C10orf105: variants seen among roughly 807,000 people sequenced by gnomAD.
The protein encoded by C10orf105 is uncharacterized protein C10orf105.
C10orf105 carries 2 observed loss-of-function variants against 0.6 expected under a neutral mutation model. The observed-to-expected ratio is 3.18, with a 90% confidence interval of 1.30 to 10.01. The LOEUF is 10.01. C10orf105 is among the 30% of genes most tolerant of loss of function. The probability of loss-of-function intolerance (pLI) is 0.04; values close to 1 mark genes in which losing one functional copy is unlikely to be tolerated. For missense variants in C10orf105, 209 were observed against 191.4 expected, an observed-to-expected ratio of 1.09 and a Z score of -0.54; for synonymous variants, 95 against 82.4, an observed-to-expected ratio of 1.15 and a Z score of -0.83.
upstream of C10orf105, among the ~76,000 whole-genome samples, chr10:71,720,420 A>AACACACAC (rs57346519): frequency 0.022 from 3,202 of 145,806 alleles, 182 homozygotes; most frequent in East Asian, 0.16. Flanking sequence ...CTCTTTCCAA[A>AACACACAC]ACACACACAC....
rs1866213507 is a variant in C10orf105 at position 71,716,090 on chromosome 10, C to T, written c.248G>A (p.Ser83Asn). The T allele has an allele frequency of 6.5e-7, 1 of 1,531,618 alleles. No homozygotes were observed. The highest frequency in any genetic ancestry group is 1.2e-5 in the South Asian group (1 of 82,082). The allele number at this position is 1,531,618 out of a possible 1,614,324, so 94.9% of individuals were successfully genotyped here. A position where few individuals can be genotyped will look rare whatever the true frequency, so the allele number is the denominator to read the frequency against. ...CTTCCAGAGCCGGAGCTGGGGCTCA[C>T]TGGGGCTCCCAGGGTGGTGGGGCAT... ...ECMPHHPGSPSEPQLRLWKRL... is the reference protein window; with the variant it reads ...ECMPHHPGSPNEPQLRLWKRL... Residue 83 changes from serine (S) to asparagine (N), a missense_variant, in exon 2 of 2, where the codon AGT becomes AAT. Ser to Asn is a conservative substitution (Grantham distance 46). Coordinates refer to ENST00000441508, the MANE Select transcript of C10orf105 (RefSeq NM_001164375.3).
intron 1 of C10orf105, chr10:71,734,736 C>G: frequency 1.1e-6 from 1 of 923,518 alleles, no homozygotes; most frequent in South Asian, 1.3e-5. Flanking sequence ...TGGCCCTGGA[C>G]CTTCCCACCT....
At chr10:71,733,153 C>T (rs1321699191) in intron 1 of C10orf105, among the ~76,000 whole-genome samples, 2 of 152,196 alleles carry the variant, frequency 1.3e-5, no homozygotes, top group Non-Finnish European at 2.9e-5. Context: ...CAGGGAAACA[C>T]TTTACTTACT....
rs370181056 is a variant in C10orf105, at chr10:71,713,201, G to T, written c.*2735C>A. On this transcript the variant is annotated 3_prime_UTR_variant, in exon 2 of 2. Transcript: ENST00000441508. ...CCCAGAACAGAGCTGCTTTCACAGA[G>T]CCCTTGGCCGAGGCTCCCCTCTTGG... is the stretch of plus-strand genomic sequence containing the variant. The T allele has an allele frequency of 9.0e-6, 7 of 779,148 alleles. No individual in the cohort carries two copies. Among genetic ancestry groups the T allele is most frequent in the Non-Finnish European group, 1.7e-5 (7 of 417,796 alleles). The allele number at this position is 779,148 out of a possible 1,614,324, so 48.3% of individuals were successfully genotyped here.
upstream of C10orf105, chr10:71,724,080 G>T (rs1232776970): frequency 6.4e-7 from 1 of 1,560,100 alleles, no homozygotes; most frequent in Non-Finnish European, 8.7e-7. Flanking sequence ...GCGAGTTTGG[G>T]CGTGTGTGGT....
chr10:71,732,317 G>T, intron 1 of C10orf105: 1 of 1,603,700 alleles, frequency 6.2e-7, no homozygotes, highest in Non-Finnish European at 8.5e-7. Context: ...ATCACGTACC[G>T]CTTCAACGCC....
rs727503841 is a variant in C10orf105 at position 71,734,659 on chromosome 10, G to A, written c.-6+3069C>T. On this transcript the variant is annotated intron_variant, in intron 1 of 1. Transcript: ENST00000398786. The stretch of plus-strand genomic sequence containing the variant: ...CTGCTGCTGCCTCTGCCTACAGAAG[G>A]TGAGTAGCCTGTGGCTGGAGCTTCC... 5 of 1,456,428 alleles carry A rather than the reference G, an allele frequency of 3.4e-6. No homozygotes were observed. The highest frequency in any genetic ancestry group is 3.2e-5 in the East Asian group (1 of 31,038). 90.2% of individuals were successfully genotyped at this position (1,456,428 alleles called of 1,614,324 possible).
Position 71,734,655 on chromosome 10 carries a change from G to C in C10orf105, c.-6+3073C>G, listed in dbSNP as rs1589384720. On this transcript the variant is annotated intron_variant, in intron 1 of 1. Transcript: ENST00000398786. ...CCTCCTGCTGCTGCCTCTGCCTACAGAAGGTGAGTAGCCTGTGGCTGGAGC... is the reference window on the plus strand; with the variant it reads ...CCTCCTGCTGCTGCCTCTGCCTACACAAGGTGAGTAGCCTGTGGCTGGAGC... The C allele has an allele frequency of 6.8e-7, 1 of 1,465,370 alleles. No homozygotes were observed. The highest frequency in any genetic ancestry group is 9.2e-7 in the Non-Finnish European group (1 of 1,083,206). 90.8% of individuals were successfully genotyped at this position (1,465,370 alleles called of 1,614,324 possible).
At chr10:71,737,151 TG>T (rs1211530633) in intron 1 of C10orf105, among the ~76,000 whole-genome samples, 2 of 152,118 alleles carry the variant, frequency 1.3e-5, no homozygotes, top group Non-Finnish European at 2.9e-5. Flanking sequence ...ATGGGCGGAC[TG>T]GGGCTCAGGG....
intron 1 of C10orf105, among the ~76,000 whole-genome samples, chr10:71,737,167 CA>C (rs1839590027): frequency 6.6e-6 from 1 of 152,166 alleles, no homozygotes; most frequent in South Asian, 2.1e-4. Context: ...TCAGGGACCT[CA>C]GGGAACTCCA....
chr10:71,724,395 C>T (rs1395502737), upstream of C10orf105, among the ~76,000 whole-genome samples: 1 of 152,164 alleles, frequency 6.6e-6, no homozygotes, highest in Non-Finnish European at 1.5e-5. Flanking sequence ...TGGGTTCAAG[C>T]GATTCTCCTG....
Position 71,712,802 on chromosome 10 carries a change from A to G in C10orf105, c.*3134T>C. 1 of 1,612,194 alleles carries G rather than the reference A, an allele frequency of 6.2e-7. No homozygotes were observed. The highest frequency in any genetic ancestry group is 8.5e-7 in the Non-Finnish European group (1 of 1,179,382). The stretch of plus-strand genomic sequence containing the variant: ...CCCTGAGGACATCCCTGAAGGCCAC[A>G]GCATCTTGCAGGCAGGTGGCCCGTG... On this transcript the variant is annotated 3_prime_UTR_variant, in exon 2 of 2. Transcript: ENST00000441508.
At position 71,716,177 on chromosome 10, in the gene C10orf105, A is replaced by G. The variant is rs1866221742; in HGVS notation, c.161T>C (p.Leu54Pro). The change falls in exon 2 of 2, where the codon CTG (leucine) becomes CCG (proline). Residue 54 changes from leucine to proline, a missense_variant. Coordinates refer to ENST00000441508, the MANE Select transcript of C10orf105 (RefSeq NM_001164375.3). ...GGCCGGCTTGCAGAGCGTCATGAACAGCAGACAGGTGGCCAGCAGGAGGAA... is the reference window on the plus strand; with the variant it reads ...GGCCGGCTTGCAGAGCGTCATGAACGGCAGACAGGTGGCCAGCAGGAGGAA... Reference protein sequence around the residue: ...CIFLLLATCLLFMTLCKPAAL... With the variant: ...CIFLLLATCLPFMTLCKPAAL... 1.9e-6 allele frequency: 3 copies of G among 1,551,094 alleles called. No individual in the cohort carries two copies. The highest frequency in any genetic ancestry group is 2.4e-5 in the East Asian group (1 of 40,916).
chr10:71,715,775 A>G lies in C10orf105; in HGVS notation c.*161T>C. The G allele has an allele frequency of 1.7e-6, 1 of 585,058 alleles. No homozygotes were observed. Among genetic ancestry groups the G allele is most frequent in the Non-Finnish European group, 2.8e-6 (1 of 360,098 alleles). 36.2% of individuals were successfully genotyped at this position (585,058 alleles called of 1,614,324 possible). Reference sequence around the variant, plus strand: ...TGCTCTTCTGAGGATCATCTTTGGGAAAGGGCGCTGGCCTGGGCATGCAAG... The same window carrying G: ...TGCTCTTCTGAGGATCATCTTTGGGGAAGGGCGCTGGCCTGGGCATGCAAG... On this transcript the variant is annotated 3_prime_UTR_variant, in exon 2 of 2. Coordinates refer to ENST00000441508, the MANE Select transcript of C10orf105 (RefSeq NM_001164375.3).
Position 71,715,813 on chromosome 10 carries a change from G to T in C10orf105, c.*123C>A, listed in dbSNP as rs766579126. 1.1e-6 allele frequency: 1 copy of T among 950,080 alleles called. No homozygotes were observed. The allele number at this position is 950,080 out of a possible 1,614,324, so 58.9% of individuals were successfully genotyped here. On this transcript the variant is annotated 3_prime_UTR_variant, in exon 2 of 2. Coordinates refer to ENST00000441508, the MANE Select transcript of C10orf105 (RefSeq NM_001164375.3). Reference sequence around the variant, plus strand: ...CTGGGCATGCAAGGAGCTTCGGGGGGTGAGTGTGTGTCCCAGACTGCTTGG... The same window carrying T: ...CTGGGCATGCAAGGAGCTTCGGGGGTTGAGTGTGTGTCCCAGACTGCTTGG...
Position 71,716,121 on chromosome 10 carries a change from C to A in C10orf105, c.217G>T (p.Glu73Ter). ...ALDPSRRRAH[E>*]CMPHHPGSPS... Reference sequence around the variant, plus strand: ...CTCCCAGGGTGGTGGGGCATGCACTCGTGAGCCCTGCGGCGGCTCGGGTCC... The same window carrying A: ...CTCCCAGGGTGGTGGGGCATGCACTAGTGAGCCCTGCGGCGGCTCGGGTCC... The change falls in exon 2 of 2, where the codon GAG becomes TAG. Residue 73 changes from glutamate (E) to a stop codon, truncating the protein, a stop_gained. Coordinates refer to ENST00000441508, the MANE Select transcript of C10orf105 (RefSeq NM_001164375.3). LOFTEE classifies it low-confidence loss of function (END_TRUNC). The A allele has an allele frequency of 6.5e-7, 1 of 1,549,040 alleles. No homozygotes were observed. Among genetic ancestry groups the A allele is most frequent in the Non-Finnish European group, 8.7e-7 (1 of 1,145,868 alleles).
upstream of C10orf105, chr10:71,724,102 C>CA (rs1253419936): frequency 6.4e-7 from 1 of 1,557,516 alleles, no homozygotes; most frequent in Non-Finnish European, 8.7e-7. Flanking sequence ...CCGCATCCTC[C>CA]ATGGTAAGTG....
intron 1 of C10orf105, chr10:71,732,423 A>G (rs1839423252): frequency 3.2e-6 from 5 of 1,549,098 alleles, no homozygotes; most frequent in Non-Finnish European, 4.4e-6. Flanking sequence ...TCTAACCAAC[A>G]TTGGTTGAGC....
chr10:71,734,189 G>A (rs1377823822), intron 1 of C10orf105: 2 of 1,474,560 alleles, frequency 1.4e-6, no homozygotes, highest in Admixed American at 3.8e-5. Context: ...AATGACCAGG[G>A]TTAACAAGGG....
Sources: allele counts gnomAD v4.1 joint callset (sites outside exome capture counted in the v4.1 genomes callset), GRCh38; gene constraint gnomAD v4.1.1; transcripts MANE v1.5; gene names NCBI Gene and HGNC (gene_info 2026-07-23, HGNC 2026-07-21).